CYP4F8: variants seen among roughly 807,000 people sequenced by gnomAD.
The protein encoded by CYP4F8 is cytochrome P450 4F8.
Under a neutral mutation model 55.0 loss-of-function variants are expected in CYP4F8, and 56 were observed. The observed-to-expected ratio is 1.02, with a 90% CI of 0.82 to 1.27. The LOEUF is 1.27. Ranked by LOEUF, CYP4F8 falls within the 50% of genes most tolerant of loss-of-function variation. The probability of loss-of-function intolerance (pLI) is 0.00; values close to 1 mark genes in which losing one functional copy is unlikely to be tolerated. For synonymous variants in CYP4F8, 288 were observed against 267.3 expected (o/e 1.08, Z -0.76); for missense variants, 680 against 682.4 (o/e 1.00, Z 0.04).
At chr19:15,616,660 G>T (rs1305163212) in intron 2 of CYP4F8, among the ~76,000 whole-genome samples, 2 of 152,096 alleles carry the variant, frequency 1.3e-5, no homozygotes, top group Non-Finnish European at 2.9e-5. Flanking sequence ...AGAGAGATGT[G>T]TGCCATCTCC....
At chr19:15,621,097 T>C (rs1200265508) in intron 5 of CYP4F8, among the ~76,000 whole-genome samples, 1 of 152,150 alleles carries the variant, frequency 6.6e-6, no homozygotes, top group Non-Finnish European at 1.5e-5. Flanking sequence ...TGCCATGTAG[T>C]ATATTTGCAT....
Position 15,615,832 on chromosome 19 carries a change from G to A in CYP4F8, c.198+18G>A, listed in dbSNP as rs1568380700. 2 of 1,598,954 alleles carry A rather than the reference G, an allele frequency of 1.3e-6. No individual in the cohort carries two copies. Among genetic ancestry groups the A allele is most frequent in the Non-Finnish European group, 1.7e-6 (2 of 1,170,736 alleles). On this transcript the variant is annotated intron_variant, in intron 2 of 12. Coordinates refer to ENST00000612078, the MANE Select transcript of CYP4F8 (RefSeq NM_007253.4). ...TGGGCCTGGTGAGTGGCAGGAGGAT[G>A]GATCTAGTGTCTCAGGGTGGAAGGG...
At chr19:15,629,091 A>G (rs1319540325) in intron 12 of CYP4F8, 102 bp from the exon 13 acceptor site, 2 of 1,447,638 alleles carry the variant, frequency 1.4e-6, no homozygotes, top group Non-Finnish European at 1.8e-6. Flanking sequence ...TGTCTGCCCA[A>G]GGTGATCTGG....
intron 9 of CYP4F8, among the ~76,000 whole-genome samples, chr19:15,626,012 C>T (rs1972257619): frequency 6.6e-6 from 1 of 152,080 alleles, no homozygotes; most frequent in African/African-American, 2.4e-5. Context: ...TTTGCAGCAC[C>T]GTGGTTGCAT....
At position 15,622,479 on chromosome 19, in the gene CYP4F8, GGAGA is replaced by G. The variant is rs368022707; in HGVS notation, c.647+151_647+154del. On this transcript the variant is annotated intron_variant, in intron 6 of 12. Transcript: ENST00000612078. ...CATTGAAGGACAAAGAAGGAGAGAA[GGAGA>G]GAGAGAGAGAGCGAGAGAAAGAGAA... is the stretch of plus-strand genomic sequence containing the variant. The G allele has an allele frequency of 1.1e-4, 136 of 1,218,240 alleles. 1 individual carries two copies. The highest frequency in any genetic ancestry group is 2.9e-4 in the Middle Eastern group (1 of 3,454). 75.5% of individuals were successfully genotyped at this position (1,218,240 alleles called of 1,614,324 possible). A position where few individuals can be genotyped will look rare whatever the true frequency, so the allele number is the denominator to read the frequency against.
intron 9 of CYP4F8, chr19:15,627,136 T>C (rs1281502274): frequency 1.3e-5 from 2 of 152,218 alleles, no homozygotes; most frequent in Non-Finnish European, 2.9e-5. Context: ...TCTCTTAATA[T>C]CTGGAAGCTT....
chr19:15,620,402 A>G (rs1972178541), intron 5 of CYP4F8, among the ~76,000 whole-genome samples: 1 of 151,938 alleles, frequency 6.6e-6, no homozygotes, highest in Non-Finnish European at 1.5e-5. Context: ...AGTTATTATT[A>G]TTTATTTTAT....
At position 15,628,995 on chromosome 19, in the gene CYP4F8, C is replaced by T. The variant is rs187494471; in HGVS notation, c.1397+152C>T. Among the ~76,000 whole-genome samples the T allele has an allele frequency of 3.8e-3, 573 of 152,252 alleles. 12 individuals carry two copies. The highest frequency in any genetic ancestry group is 0.013 in the African/African-American group (538 of 41,544). On this transcript the variant is annotated intron_variant, in intron 12 of 12. Transcript: ENST00000612078. Reference sequence around the variant, plus strand: ...AGGGTGTGCTCAGAGCCTCCTGCCCCGTCTGGTTTCAGTTGGGGCTGGGGT... The same window carrying T: ...AGGGTGTGCTCAGAGCCTCCTGCCCTGTCTGGTTTCAGTTGGGGCTGGGGT...
rs533495746 is a variant in CYP4F8, at chr19:15,628,556, C to T, written c.1275C>T (p.Phe425=). 55 of 1,613,934 alleles carry T rather than the reference C, an allele frequency of 3.4e-5. No individual in the cohort carries two copies. The Middle Eastern group carries it at 6.6e-4, about 19-fold the overall frequency. Residue 425 remains phenylalanine, a synonymous_variant, in exon 11 of 13, where the codon TTC becomes TTT. Coordinates refer to ENST00000612078, the MANE Select transcript of CYP4F8 (RefSeq NM_007253.4). ...PKGNVCNINI[F]AIHHNPSVWP... ...GGAATGTCTGTAACATCAACATCTT[C>T]GCAATCCATCACAACCCCTCAGTCT... is the stretch of plus-strand genomic sequence containing the variant.
At chr19:15,620,567 T>A in intron 5 of CYP4F8, among the ~76,000 whole-genome samples, 1 of 152,040 alleles carries the variant, frequency 6.6e-6, no homozygotes, top group East Asian at 1.9e-4. Flanking sequence ...ATTTTTTGTA[T>A]CTTCAGTAGA....
chr19:15,617,275 G>A (rs975093878), intron 2 of CYP4F8, among the ~76,000 whole-genome samples: 6 of 152,270 alleles, frequency 3.9e-5, no homozygotes, highest in Non-Finnish European at 8.8e-5. Context: ...CCTGTTCCCT[G>A]GGATGTAGCC....
chr19:15,624,550 A>G (rs1455579973), intron 9 of CYP4F8, among the ~76,000 whole-genome samples: 1 of 152,178 alleles, frequency 6.6e-6, no homozygotes, highest in Non-Finnish European at 1.5e-5. Flanking sequence ...ATATCGGTGT[A>G]CGATGATCAT....
In CYP4F8 at chr19:15,628,853, G is replaced by C. The variant is rs754836885; in HGVS notation, c.1397+10G>C. On this transcript the variant is annotated intron_variant, in intron 12 of 12. Coordinates refer to ENST00000612078, the MANE Select transcript of CYP4F8 (RefSeq NM_007253.4). ...TCTCGGCGGGGCCCAGGTGAGGCCA[G>C]GGGGTGTCTGAGGTGGGCATGGGCT... 6.3e-7 allele frequency: 1 copy of C among 1,582,956 alleles called. No individual in the cohort carries two copies. The highest frequency in any genetic ancestry group is 1.1e-5 in the South Asian group (1 of 88,422).
At chr19:15,629,129 C>G in intron 12 of CYP4F8, 64 bp from the exon 13 acceptor site, 1 of 1,508,314 alleles carries the variant, frequency 6.6e-7, no homozygotes, top group East Asian at 2.4e-5. Flanking sequence ...GGGCCTGGTT[C>G]CTGGCGCAGT....
chr19:15,629,391 T>C lies in CYP4F8; in HGVS notation c.*33T>C, dbSNP rs1202157191. ...AGTGACCCACCCACCTACCTTTGCA[T>C]CACCTACCTTTGCACCAACTACCTT... is the stretch of plus-strand genomic sequence containing the variant. On this transcript the variant is annotated 3_prime_UTR_variant, in exon 13 of 13. Transcript: ENST00000612078. The C allele has an allele frequency of 6.4e-7, 1 of 1,568,026 alleles. No individual in the cohort carries two copies. The highest frequency in any genetic ancestry group is 8.6e-7 in the Non-Finnish European group (1 of 1,156,958).
At position 15,629,326 on chromosome 19, in the gene CYP4F8, G is replaced by A. The variant is rs1972305856; in HGVS notation, c.1531G>A (p.Gly511Arg). 3 of 1,612,190 alleles carry A rather than the reference G, an allele frequency of 1.9e-6. No homozygotes were observed. The highest frequency in any genetic ancestry group is 2.5e-6 in the Non-Finnish European group (3 of 1,179,138). ...TPEIVLRAED[G>R]LWLRVEPLG is the part of the protein sequence containing the mutation. Reference sequence around the variant, plus strand: ...GGAGATTGTTTTGCGTGCGGAGGACGGACTTTGGCTGCGAGTAGAACCCCT... The same window carrying A: ...GGAGATTGTTTTGCGTGCGGAGGACAGACTTTGGCTGCGAGTAGAACCCCT... Residue 511 changes from glycine to arginine, a missense_variant, in exon 13 of 13, where the codon GGA becomes AGA. Transcript: ENST00000612078.
intron 1 of CYP4F8, 117 bp from the exon 2 acceptor site, chr19:15,615,497 TGA>T: frequency 8.3e-7 from 1 of 1,197,920 alleles, no homozygotes; most frequent in Non-Finnish European, 1.1e-6. Context: ...CCTCTTCCCC[TGA>T]GATTCCCTGA....
At chr19:15,617,531 T>G (rs1284851844) in intron 2 of CYP4F8, among the ~76,000 whole-genome samples, 1 of 148,530 alleles carries the variant, frequency 6.7e-6, no homozygotes, top group African/African-American at 2.5e-5. Flanking sequence ...TCTATCTATC[T>G]ATCAGTCCGT....
intron 7 of CYP4F8, 71 bp from the exon 8 acceptor site, chr19:15,623,628 G>A (rs1972224158): frequency 6.4e-7 from 1 of 1,555,638 alleles, no homozygotes; most frequent in South Asian, 1.1e-5. Context: ...GGGATAATGG[G>A]TCTTCAGAGA....
Sources: allele counts gnomAD v4.1 joint callset (sites outside exome capture counted in the v4.1 genomes callset), GRCh38; gene constraint gnomAD v4.1.1; transcripts MANE v1.5; gene names NCBI Gene and HGNC (gene_info 2026-07-23, HGNC 2026-07-21).